The following PHF2 variants were observed in gnomAD, a reference collection of about 807,000 sequenced individuals.
The protein encoded by PHF2 is lysine-specific demethylase PHF2.
In PHF2, 27 loss-of-function variants were observed where a neutral mutation model predicts 120.5. That is an observed-to-expected ratio of 0.22 (90% CI 0.17 to 0.31). The LOEUF is 0.31. Among genes scored for constraint, PHF2 ranks in the 10% least tolerant of loss-of-function variants. The pLI, the probability that PHF2 is intolerant of heterozygous loss-of-function variation, is 1.00. For synonymous variants in PHF2, 568 were observed against 592.5 expected, an observed-to-expected ratio of 0.96 and a Z score of 0.60; for missense variants, 1,024 against 1,434.8, an observed-to-expected ratio of 0.71 and a Z score of 4.63.
At chr9:93,658,593 G>A (rs1009962383) in intron 10 of PHF2, among the ~76,000 whole-genome samples, 2 of 152,170 alleles carry the variant, frequency 1.3e-5, no homozygotes, top group African/African-American at 4.8e-5. Context: ...GGGGACAGAT[G>A]GCCTATGGTG....
intron 12 of PHF2, among the ~76,000 whole-genome samples, chr9:93,661,607 A>G (rs530316481): frequency 6.6e-6 from 1 of 151,584 alleles, no homozygotes; most frequent in East Asian, 1.9e-4. Context: ...GGATGGGTGA[A>G]TGGGTGGATG....
chr9:93,654,723 G>A, intron 7 of PHF2, 148 bp downstream of exon 7: 1 of 827,292 alleles, frequency 1.2e-6, no homozygotes, highest in Non-Finnish European at 2.0e-6. Context: ...ATATGAAGTG[G>A]AAAGGAGGTT....
intron 16 of PHF2, among the ~76,000 whole-genome samples, chr9:93,666,684 A>C (rs1410229355): frequency 6.6e-6 from 1 of 152,170 alleles, no homozygotes; most frequent in Non-Finnish European, 1.5e-5. Context: ...TAATCCCAGC[A>C]CTTTGGGTGG....
At chr9:93,593,112 G>GAAAAAAAA (rs1336946456) in intron 1 of PHF2, among the ~76,000 whole-genome samples, 2 of 97,482 alleles carry the variant, frequency 2.1e-5, no homozygotes, top group African/African-American at 3.8e-5. Flanking sequence ...AAAAAAAAAA[G>GAAAAAAAA]AAAAAAAAAG....
intron 17 of PHF2, among the ~76,000 whole-genome samples, chr9:93,670,109 G>C (rs1009735863): frequency 2.6e-5 from 4 of 152,256 alleles, no homozygotes; most frequent in African/African-American, 9.6e-5. Context: ...CTGGGAAGTG[G>C]TGGAGAGGGG....
At position 93,663,659 on chromosome 9, in the gene PHF2, G is replaced by A. The variant is rs777428162; in HGVS notation, c.1937+24G>A. 5.0e-6 allele frequency: 7 copies of A among 1,410,054 alleles called. No homozygotes were observed. In the East Asian group the frequency reaches 1.6e-4, roughly 32 times the overall value. The allele number at this position is 1,410,054 out of a possible 1,614,324, so 87.3% of individuals were successfully genotyped here. A position where few individuals can be genotyped will look rare whatever the true frequency, so the allele number is the denominator to read the frequency against. On this transcript the variant is annotated intron_variant, in intron 14 of 21. Transcript: ENST00000359246. ...GGGTATGTGAGTGCCTGGATGGGAG[G>A]GGTGACCTCGCGCATAACCGACATC...
At chr9:93,631,064 C>G (rs767780486) in intron 2 of PHF2, among the ~76,000 whole-genome samples, 3 of 152,162 alleles carry the variant, frequency 2.0e-5, no homozygotes, top group Non-Finnish European at 4.4e-5. Context: ...CCCCGGACCC[C>G]TGTGGGATGA....
chr9:93,585,567 C>T (rs1206704446), intron 1 of PHF2, among the ~76,000 whole-genome samples: 1 of 152,240 alleles, frequency 6.6e-6, no homozygotes, highest in African/African-American at 2.4e-5. Context: ...CCTGACATGC[C>T]ATGGGTAGGG....
chr9:93,665,726 G>A lies in PHF2; in HGVS notation c.1978G>A (p.Gly660Arg). ...GCCCCCGACGAGCCCTGGTGTGTTC[G>A]GGGCCTTGCAGAACTTCAAGGAGGA... Reference protein sequence around the residue: ...LRPPTSPGVFGALQNFKEDKP... With the variant: ...LRPPTSPGVFRALQNFKEDKP... Residue 660 changes from glycine (G) to arginine (R), a missense_variant, in exon 15 of 22, where the codon GGG becomes AGG. Physicochemically the swap from Gly to Arg is moderately radical, Grantham distance 125 (BLOSUM62 -2). Coordinates refer to ENST00000359246, the MANE Select transcript of PHF2 (RefSeq NM_005392.4). 2 of 1,613,976 alleles carry A rather than the reference G, an allele frequency of 1.2e-6. No individual in the cohort carries two copies. The highest frequency in any genetic ancestry group is 8.5e-7 in the Non-Finnish European group (1 of 1,180,026).
intron 1 of PHF2, among the ~76,000 whole-genome samples, chr9:93,603,514 C>T (rs933530241): frequency 1.3e-5 from 2 of 152,158 alleles, no homozygotes; most frequent in Non-Finnish European, 2.9e-5. Flanking sequence ...CCAGCCCTCA[C>T]CTTGGGACCT....
chr9:93,637,731 A>G (rs1245670329), intron 3 of PHF2, among the ~76,000 whole-genome samples: 2 of 152,194 alleles, frequency 1.3e-5, no homozygotes, highest in East Asian at 1.9e-4. Context: ...CTTTTTGTCT[A>G]CTATGAATAA....
At chr9:93,647,071 G>A (rs1234775616) in intron 4 of PHF2, among the ~76,000 whole-genome samples, 1 of 152,184 alleles carries the variant, frequency 6.6e-6, no homozygotes, top group East Asian at 1.9e-4. Flanking sequence ...CCATCAGGTG[G>A]GCTGTTTCTG....
chr9:93,657,611 C>A (rs1038775055), intron 9 of PHF2, among the ~76,000 whole-genome samples: 10 of 152,222 alleles, frequency 6.6e-5, no homozygotes, highest in Non-Finnish European at 1.0e-4. Context: ...TGAGAGGACC[C>A]AGGGAGCTGC....
At chr9:93,669,565 A>G (rs77710603) in intron 17 of PHF2, among the ~76,000 whole-genome samples, 5,813 of 152,272 alleles carry the variant, frequency 0.038, 365 homozygotes, top group African/African-American at 0.13. Flanking sequence ...CCAAAATGCA[A>G]CGCAGTCCAG....
chr9:93,668,506 G>A (rs890177304), intron 17 of PHF2, among the ~76,000 whole-genome samples: 2 of 152,174 alleles, frequency 1.3e-5, no homozygotes, highest in Non-Finnish European at 2.9e-5. Flanking sequence ...GGGGTCCTGG[G>A]GGTTGGGGGT....
chr9:93,632,901 A>G (rs117548987), intron 2 of PHF2, among the ~76,000 whole-genome samples: 3 of 151,884 alleles, frequency 2.0e-5, no homozygotes, highest in Non-Finnish European at 4.4e-5. Context: ...ACCAGTGTGC[A>G]TGCTCAGATT....
At chr9:93,650,917 A>G (rs1393152395) in intron 5 of PHF2, among the ~76,000 whole-genome samples, 1 of 152,194 alleles carries the variant, frequency 6.6e-6, no homozygotes, top group Non-Finnish European at 1.5e-5. Context: ...AGAATTATCT[A>G]AAACCAAGAA....
intron 1 of PHF2, among the ~76,000 whole-genome samples, chr9:93,597,289 A>G (rs1386520227): frequency 1.3e-5 from 2 of 152,180 alleles, no homozygotes; most frequent in African/African-American, 4.8e-5. Flanking sequence ...GCTAGGCTGC[A>G]GGAGGGTCAG....
chr9:93,591,156 C>G (rs1825214669), intron 1 of PHF2, among the ~76,000 whole-genome samples: 1 of 152,208 alleles, frequency 6.6e-6, no homozygotes, highest in Non-Finnish European at 1.5e-5. Context: ...TGCTGGGACT[C>G]AAGGTCCCAG....
Sources: gnomAD v4.1 joint callset for allele counts (sites outside exome capture counted in the v4.1 genomes callset) on GRCh38, gnomAD v4.1.1 for gene constraint, MANE v1.5 for transcripts, NCBI Gene and HGNC (gene_info 2026-07-23, HGNC 2026-07-21) for gene names.